LHFPL2: variants seen among roughly 807,000 people sequenced by gnomAD.
LHFPL2 encodes the protein LHFPL tetraspan subfamily member 2, also known as LHFPL tetraspan subfamily member 2 protein.
A neutral mutation model predicts 17.5 loss-of-function variants in LHFPL2; 7 were observed. The observed-to-expected ratio is 0.40, with a 90% CI of 0.23 to 0.75. The LOEUF (loss-of-function observed/expected upper bound fraction) is 0.75. Among genes scored for constraint, LHFPL2 ranks in the 30% least tolerant of loss-of-function variants. The probability of loss-of-function intolerance (pLI) is 0.37; values close to 1 mark genes in which losing one functional copy is unlikely to be tolerated. For synonymous variants in LHFPL2, 134 were observed against 116.2 expected (o/e 1.15, Z -0.99); for missense variants, 241 against 294.8 (o/e 0.82, Z 1.34).
At chr5:78,557,608 C>T (rs769219464) in intron 3 of LHFPL2, among the ~76,000 whole-genome samples, 5 of 152,220 alleles carry the variant, frequency 3.3e-5, no homozygotes, top group African/African-American at 1.2e-4. Flanking sequence ...GCCTTCATTA[C>T]GTGAAAGAGA....
chr5:78,503,285 A>AAACATAAG (rs1754829027), intron 4 of LHFPL2, among the ~76,000 whole-genome samples: 1 of 152,236 alleles, frequency 6.6e-6, no homozygotes, highest in South Asian at 2.1e-4. Context: ...TATGTCGACA[A>AAACATAAG]TTAAGTAGTT....
intron 2 of LHFPL2, among the ~76,000 whole-genome samples, chr5:78,595,754 A>T (rs766690408): frequency 1.3e-5 from 2 of 152,168 alleles, no homozygotes; most frequent in Non-Finnish European, 1.5e-5. Context: ...GGCCTCAAGC[A>T]ATCCTCCTGC....
At chr5:78,568,200 CT>C (rs544175302) in intron 2 of LHFPL2, among the ~76,000 whole-genome samples, 36 of 152,130 alleles carry the variant, frequency 2.4e-4, no homozygotes, top group Non-Finnish European at 1.8e-4. Flanking sequence ...TGGTCTTTAT[CT>C]GTATATATGT....
intron 3 of LHFPL2, among the ~76,000 whole-genome samples, chr5:78,527,241 C>T (rs983596160): frequency 1.3e-5 from 2 of 152,096 alleles, no homozygotes; most frequent in South Asian, 2.1e-4. Flanking sequence ...TGGGGCCAAA[C>T]GCCTTGGAGA....
chr5:78,522,239 C>A (rs1359413427), intron 3 of LHFPL2, among the ~76,000 whole-genome samples: 4 of 151,994 alleles, frequency 2.6e-5, no homozygotes, highest in African/African-American at 9.7e-5. Context: ...AGTTTGAGAC[C>A]AGCCTGACCA....
At chr5:78,560,019 AAGAATACAGGCATCAC>A (rs1269642863) in intron 3 of LHFPL2, among the ~76,000 whole-genome samples, 17 of 152,372 alleles carry the variant, frequency 1.1e-4, no homozygotes, top group African/African-American at 4.1e-4. Flanking sequence ...TATTACACGA[AAGAATACAGGCATCAC>A]AGACTGAGTA....
chr5:78,494,841 G>C (rs756323179), intron 4 of LHFPL2, among the ~76,000 whole-genome samples: 1 of 152,192 alleles, frequency 6.6e-6, no homozygotes, highest in Non-Finnish European at 1.5e-5. Context: ...ACTGGGCTCC[G>C]TGAGGGCAGA....
chr5:78,528,588 T>C (rs968905366), intron 3 of LHFPL2, among the ~76,000 whole-genome samples: 2 of 152,222 alleles, frequency 1.3e-5, no homozygotes, highest in African/African-American at 4.8e-5. Flanking sequence ...TGTTAACTCA[T>C]TACCATGTTT....
intron 1 of LHFPL2, among the ~76,000 whole-genome samples, chr5:78,635,120 A>G (rs1745388768): frequency 6.6e-6 from 1 of 152,186 alleles, no homozygotes; most frequent in Non-Finnish European, 1.5e-5. Flanking sequence ...CAGAGACAAG[A>G]GAATCTCCCA....
intron 2 of LHFPL2, among the ~76,000 whole-genome samples, chr5:78,618,576 C>T (rs988481327): frequency 3.9e-5 from 6 of 152,194 alleles, no homozygotes; most frequent in Admixed American, 1.3e-4. Flanking sequence ...GTTGGACTTA[C>T]GAAGCGGAGC....
chr5:78,490,922 T>C (rs1324602559), intron 4 of LHFPL2, among the ~76,000 whole-genome samples: 1 of 152,230 alleles, frequency 6.6e-6, no homozygotes, highest in East Asian at 1.9e-4. Flanking sequence ...ATCTTGGCTC[T>C]GAGTTCTGTT....
intron 4 of LHFPL2, among the ~76,000 whole-genome samples, chr5:78,508,074 T>C (rs1438311316): frequency 2.0e-5 from 3 of 152,026 alleles, no homozygotes; most frequent in African/African-American, 7.2e-5. Flanking sequence ...TTAATATTTC[T>C]GGGTGGTGAG....
At chr5:78,638,385 A>T (rs909260004) in intron 1 of LHFPL2, among the ~76,000 whole-genome samples, 1 of 152,178 alleles carries the variant, frequency 6.6e-6, no homozygotes, top group East Asian at 1.9e-4. Flanking sequence ...ATAATAAATT[A>T]AAAAACATAA....
chr5:78,588,077 C>G (rs1410827508), intron 2 of LHFPL2, among the ~76,000 whole-genome samples: 1 of 152,226 alleles, frequency 6.6e-6, no homozygotes, highest in Non-Finnish European at 1.5e-5. Flanking sequence ...TTGAGTCACT[C>G]AGAAGCTGGA....
At chr5:78,511,870 G>A (rs1246269194) in intron 3 of LHFPL2, among the ~76,000 whole-genome samples, 1 of 152,178 alleles carries the variant, frequency 6.6e-6, no homozygotes, top group Non-Finnish European at 1.5e-5. Context: ...CAGGGTGTGT[G>A]TGCGTGTGTC....
Position 78,599,004 on chromosome 5 carries a change from T to C in LHFPL2, c.-245+33260A>G, listed in dbSNP as rs139409502. On this transcript the variant is annotated intron_variant, in intron 2 of 4. Coordinates refer to ENST00000380345, the MANE Select transcript of LHFPL2 (RefSeq NM_005779.3). Reference sequence around the variant, plus strand: ...ACGGTAATTTCAGTAACAGCCTTCTTAGACAATCCAAGTCCAGTTATCCCT... The same window carrying C: ...ACGGTAATTTCAGTAACAGCCTTCTCAGACAATCCAAGTCCAGTTATCCCT... Among the ~76,000 whole-genome samples the C allele has an allele frequency of 2.0e-3, 308 of 152,302 alleles. 1 individual carries two copies. The highest frequency in any genetic ancestry group is 5.9e-3 in the Admixed American group (90 of 15,298).
At chr5:78,526,590 C>G (rs1297510060) in intron 3 of LHFPL2, among the ~76,000 whole-genome samples, 4 of 152,120 alleles carry the variant, frequency 2.6e-5, no homozygotes, top group Non-Finnish European at 5.9e-5. Context: ...ATTAAATAAC[C>G]CAGAATAGCA....
chr5:78,552,146 T>C (rs1046242320), intron 3 of LHFPL2, among the ~76,000 whole-genome samples: 3 of 151,924 alleles, frequency 2.0e-5, no homozygotes, highest in African/African-American at 4.8e-5. Context: ...TTTTTTTTTT[T>C]TTTTTGAGAC....
intron 3 of LHFPL2, among the ~76,000 whole-genome samples, chr5:78,537,192 C>A (rs1300420527): frequency 6.6e-6 from 1 of 152,188 alleles, no homozygotes; most frequent in Non-Finnish European, 1.5e-5. Flanking sequence ...TGAGATCCAC[C>A]TCTGCTCCCT....
Sources: gnomAD v4.1 joint callset for allele counts (sites outside exome capture counted in the v4.1 genomes callset) on GRCh38, gnomAD v4.1.1 for gene constraint, MANE v1.5 for transcripts, NCBI Gene and HGNC (gene_info 2026-07-23, HGNC 2026-07-21) for gene names.